Variants in PDE4B observed in about 807,000 individuals in gnomAD.
PDE4B encodes the protein 3',5'-cyclic-AMP phosphodiesterase 4B.
PDE4B carries 20 observed loss-of-function variants against 82.2 expected under a neutral mutation model. The observed-to-expected ratio is 0.24, with a 90% CI of 0.17 to 0.35. PDE4B has a LOEUF of 0.35. Among genes scored for constraint, PDE4B ranks in the 10% least tolerant of loss-of-function variants. The pLI is 1.00. For synonymous variants in PDE4B, 320 were observed against 318.9 expected, an observed-to-expected ratio of 1.00 and a Z score of -0.04; for missense variants, 655 against 907.2, an observed-to-expected ratio of 0.72 and a Z score of 3.57.
intron 6 of PDE4B, among the ~76,000 whole-genome samples, chr1:66,264,797 G>A (rs766000496): frequency 6.6e-6 from 1 of 152,202 alleles, no homozygotes; most frequent in Non-Finnish European, 1.5e-5. Context: ...TAGCAACAAC[G>A]ATGCAGGCTG....
At chr1:65,819,393 G>A (rs1645924516) in intron 1 of PDE4B, among the ~76,000 whole-genome samples, 1 of 152,048 alleles carries the variant, frequency 6.6e-6, no homozygotes, top group Non-Finnish European at 1.5e-5. Context: ...ACTGTTATTT[G>A]ATTAGTCTAA....
chr1:66,002,533 C>T (rs879867553), intron 3 of PDE4B, among the ~76,000 whole-genome samples: 4 of 151,816 alleles, frequency 2.6e-5, no homozygotes, highest in African/African-American at 9.7e-5. Context: ...TTCAAATTTT[C>T]TTCCTCAAGA....
At chr1:65,981,185 C>T (rs1206786218) in intron 3 of PDE4B, among the ~76,000 whole-genome samples, 1 of 152,044 alleles carries the variant, frequency 6.6e-6, no homozygotes, top group African/African-American at 2.4e-5. Flanking sequence ...AAAGGAGGTA[C>T]ATAAGAAACG....
intron 3 of PDE4B, among the ~76,000 whole-genome samples, chr1:66,244,084 C>G (rs1653098734): frequency 6.6e-6 from 1 of 152,130 alleles, no homozygotes. Context: ...CAACATTATT[C>G]AGAATTGCAA....
intron 3 of PDE4B, among the ~76,000 whole-genome samples, chr1:65,991,725 C>T (rs189402997): frequency 3.1e-4 from 47 of 152,152 alleles, no homozygotes; most frequent in African/African-American, 9.9e-4. Context: ...TTTTTGGACT[C>T]GCCTGTCCGT....
chr1:66,158,729 C>T (rs1453031466), intron 3 of PDE4B, among the ~76,000 whole-genome samples: 1 of 152,122 alleles, frequency 6.6e-6, no homozygotes, highest in African/African-American at 2.4e-5. Flanking sequence ...GCAAACATGG[C>T]ATATATACAC....
intron 3 of PDE4B, among the ~76,000 whole-genome samples, chr1:66,053,924 T>C (rs1197363736): frequency 1.3e-5 from 2 of 152,128 alleles, no homozygotes; most frequent in Non-Finnish European, 2.9e-5. Context: ...CCAACTATCC[T>C]GGTTTGCTCA....
chr1:66,062,110 A>G (rs1655610875), intron 3 of PDE4B, among the ~76,000 whole-genome samples: 1 of 152,134 alleles, frequency 6.6e-6, no homozygotes. Flanking sequence ...TACTTTAGCC[A>G]TCTTAGCATT....
At chr1:65,935,885 C>G (rs1477289678) in intron 3 of PDE4B, among the ~76,000 whole-genome samples, 1 of 151,796 alleles carries the variant, frequency 6.6e-6, no homozygotes, top group Non-Finnish European at 1.5e-5. Flanking sequence ...TGCGGTGAGC[C>G]GAGATCACGC....
chr1:65,851,785 C>T (rs1646335850), intron 1 of PDE4B, among the ~76,000 whole-genome samples: 1 of 151,576 alleles, frequency 6.6e-6, no homozygotes, highest in South Asian at 2.1e-4. Flanking sequence ...CTTTTCTCAC[C>T]TTGCTGCTCT....
chr1:66,229,740 C>G (rs12136401), intron 3 of PDE4B, among the ~76,000 whole-genome samples: 31,309 of 151,974 alleles, frequency 0.21, 6,697 homozygotes, highest in African/African-American at 0.53. Flanking sequence ...ATCCTGTGCT[C>G]GTGTGGCTAA....
At chr1:66,019,156 T>A (rs751529579) in intron 3 of PDE4B, among the ~76,000 whole-genome samples, 3 of 152,118 alleles carry the variant, frequency 2.0e-5, no homozygotes, top group Non-Finnish European at 4.4e-5. Context: ...TATTTTATTT[T>A]TATATTATTG....
chr1:66,190,123 T>A (rs1288288861), intron 3 of PDE4B, among the ~76,000 whole-genome samples: 1 of 152,210 alleles, frequency 6.6e-6, no homozygotes. Context: ...TGCCTGGGTA[T>A]CAGCAGTGGA....
At chr1:66,139,735 CAAAA>C (rs10654385) in intron 3 of PDE4B, among the ~76,000 whole-genome samples, 1 of 100,052 alleles carries the variant, frequency 1.0e-5, no homozygotes. Context: ...CCTCCCCCCT[CAAAA>C]AAAAAAAAAA....
intron 1 of PDE4B, among the ~76,000 whole-genome samples, chr1:65,813,816 T>G (rs1053750957): frequency 6.8e-6 from 1 of 147,994 alleles, no homozygotes; most frequent in African/African-American, 2.5e-5. Context: ...TGTGAAGCTA[T>G]GGGGTTAGAA....
chr1:66,228,627 A>T (rs1570513528), intron 3 of PDE4B, among the ~76,000 whole-genome samples: 1 of 92,194 alleles, frequency 1.1e-5, no homozygotes. Context: ...AGACTCCGTT[A>T]AAAAAAAAAA....
At chr1:66,289,196 A>G (rs1656893488) in intron 7 of PDE4B, among the ~76,000 whole-genome samples, 1 of 152,162 alleles carries the variant, frequency 6.6e-6, no homozygotes. Flanking sequence ...TGAGCCCAGT[A>G]GTTAGAGGCT....
intron 10 of PDE4B, 84 bp downstream of exon 10, chr1:66,361,877 G>A (rs1447327220): frequency 3.5e-5 from 39 of 1,103,592 alleles, no homozygotes; most frequent in Non-Finnish European, 4.6e-5. Context: ...AAATAGTATG[G>A]ATTGCTTTTG....
intron 7 of PDE4B, among the ~76,000 whole-genome samples, chr1:66,302,651 G>A (rs1002979888): frequency 1.3e-5 from 2 of 152,140 alleles, no homozygotes; most frequent in Non-Finnish European, 2.9e-5. Context: ...TTGATGTTCC[G>A]AAAGATAAAG....
Sources: gnomAD v4.1 joint callset for allele counts (sites outside exome capture counted in the v4.1 genomes callset) on GRCh38, gnomAD v4.1.1 for gene constraint, MANE v1.5 for transcripts, NCBI Gene and HGNC (gene_info 2026-07-23, HGNC 2026-07-21) for gene names.